PPP6C: variants seen among roughly 807,000 people sequenced by gnomAD.
The protein encoded by PPP6C is serine/threonine-protein phosphatase 6 catalytic subunit.
Under a neutral mutation model 39.8 loss-of-function variants are expected in PPP6C, and 11 were observed. That is an observed-to-expected ratio of 0.28 (90% CI 0.17 to 0.46). The LOEUF (loss-of-function observed/expected upper bound fraction) is 0.46. PPP6C is among the 20% of genes least tolerant of loss of function. The probability of loss-of-function intolerance (pLI) is 1.00; values close to 1 mark genes in which losing one functional copy is unlikely to be tolerated. For synonymous variants in PPP6C, 129 were observed against 130.3 expected, an observed-to-expected ratio of 0.99 and a Z score of 0.07; for missense variants, 211 against 373.9, an observed-to-expected ratio of 0.56 and a Z score of 3.59.
chr9:125,150,715 T>C, intron 6 of PPP6C: 1 of 835,826 alleles, frequency 1.2e-6, no homozygotes, highest in Non-Finnish European at 1.9e-6. Flanking sequence ...GCCGATCGCC[T>C]GGGCCTGGAG....
intron 2 of PPP6C, among the ~76,000 whole-genome samples, chr9:125,168,482 G>C (rs1829072685): frequency 6.6e-6 from 1 of 152,142 alleles, no homozygotes; most frequent in South Asian, 2.1e-4. Flanking sequence ...TTTTGAGACG[G>C]AGTTTCGCTC....
intron 2 of PPP6C, among the ~76,000 whole-genome samples, chr9:125,166,291 T>C (rs1212088241): frequency 6.6e-6 from 1 of 152,192 alleles, no homozygotes; most frequent in African/African-American, 2.4e-5. Context: ...AGTGGTGGAC[T>C]CAGATTTTCC....
intron 2 of PPP6C, among the ~76,000 whole-genome samples, chr9:125,170,384 G>A (rs903255382): frequency 1.3e-5 from 2 of 151,734 alleles, no homozygotes; most frequent in African/African-American, 4.8e-5. Context: ...TTACAGGCAC[G>A]CACCACCATG....
At chr9:125,155,285 A>C (rs1836040611) in intron 4 of PPP6C, among the ~76,000 whole-genome samples, 1 of 152,040 alleles carries the variant, frequency 6.6e-6, no homozygotes, top group Non-Finnish European at 1.5e-5. Flanking sequence ...CCATAATTTT[A>C]GAAAAAAAAA....
chr9:125,172,055 A>G, intron 1 of PPP6C: 3 of 441,782 alleles, frequency 6.8e-6, no homozygotes, highest in South Asian at 3.2e-5. Context: ...ACATTTTGGT[A>G]CATCCACACC....
At chr9:125,188,947 A>C in intron 1 of PPP6C, 1 of 1,548,806 alleles carries the variant, frequency 6.5e-7, no homozygotes, top group Non-Finnish European at 8.7e-7. Context: ...AAAATGAAAT[A>C]CTGAGTTAAG....
intron 1 of PPP6C, among the ~76,000 whole-genome samples, chr9:125,178,910 T>C (rs1198734229): frequency 1.3e-5 from 2 of 152,140 alleles, no homozygotes; most frequent in Admixed American, 1.3e-4. Context: ...CATTTTCTTA[T>C]TGAGTTTTAA....
chr9:125,183,492 G>A (rs944739901), intron 1 of PPP6C, among the ~76,000 whole-genome samples: 8 of 151,924 alleles, frequency 5.3e-5, no homozygotes, highest in Admixed American at 2.0e-4. Context: ...ACAGTATCAC[G>A]AATCACAGTA....
At chr9:125,180,878 G>A (rs944431039) in intron 1 of PPP6C, among the ~76,000 whole-genome samples, 1 of 152,168 alleles carries the variant, frequency 6.6e-6, no homozygotes, top group Non-Finnish European at 1.5e-5. Flanking sequence ...GAACATCGCT[G>A]TGAAACTCTG....
At chr9:125,173,439 C>T (rs1019467556) in intron 1 of PPP6C, among the ~76,000 whole-genome samples, 7 of 143,352 alleles carry the variant, frequency 4.9e-5, no homozygotes, top group South Asian at 2.2e-4. Context: ...AGTAGCCAGG[C>T]GTGGGGTGCA....
intron 1 of PPP6C, among the ~76,000 whole-genome samples, chr9:125,186,661 G>A (rs1034449827): frequency 4.6e-5 from 7 of 151,670 alleles, no homozygotes; most frequent in Non-Finnish European, 1.0e-4. Context: ...AAGGTGGGAG[G>A]ACTGCCTGAG....
At chr9:125,151,320 TCTGCCATGCAG>T in intron 6 of PPP6C, 2 of 1,460,034 alleles carry the variant, frequency 1.4e-6, no homozygotes, top group South Asian at 1.1e-5. Context: ...TGTGGCACAA[TCTGCCATGCAG>T]CTGACAAACT....
chr9:125,170,199 T>G (rs1251166585), intron 2 of PPP6C, among the ~76,000 whole-genome samples: 2 of 152,050 alleles, frequency 1.3e-5, no homozygotes, highest in Non-Finnish European at 2.9e-5. Context: ...GACAACAGAA[T>G]CTAAATATGA....
chr9:125,152,428 G>T (rs1430421421), intron 6 of PPP6C, among the ~76,000 whole-genome samples: 3 of 152,066 alleles, frequency 2.0e-5, no homozygotes, highest in African/African-American at 7.2e-5. Context: ...TAGGTTTTAG[G>T]TGGTATCATA....
intron 4 of PPP6C, among the ~76,000 whole-genome samples, chr9:125,157,246 G>A (rs558555121): frequency 6.6e-6 from 1 of 151,614 alleles, no homozygotes; most frequent in East Asian, 2.0e-4. Flanking sequence ...CTCCCAAAGT[G>A]CTGGGATTAC....
chr9:125,188,823 A>ATAATAAT, intron 1 of PPP6C: 1 of 344,676 alleles, frequency 2.9e-6, no homozygotes, highest in Non-Finnish European at 4.7e-6. Flanking sequence ...ATAATAATTA[A>ATAATAAT]AAAGTTTTAA....
intron 1 of PPP6C, among the ~76,000 whole-genome samples, chr9:125,180,925 A>G (rs907061386): frequency 2.6e-5 from 4 of 152,174 alleles, no homozygotes; most frequent in African/African-American, 9.7e-5. Context: ...GAACACGTGT[A>G]AACTACCTAG....
At chr9:125,179,052 T>C (rs1219561885) in intron 1 of PPP6C, among the ~76,000 whole-genome samples, 1 of 151,930 alleles carries the variant, frequency 6.6e-6, no homozygotes, top group African/African-American at 2.4e-5. Flanking sequence ...CCATCTCTAC[T>C]AAAAAATACA....
chr9:125,149,826 T>G lies in PPP6C; in HGVS notation c.765A>C (p.Val255=). 6.2e-7 allele frequency: 1 copy of G among 1,614,228 alleles called. No homozygotes were observed. Among genetic ancestry groups the G allele is most frequent in the Non-Finnish European group, 8.5e-7 (1 of 1,180,038 alleles). ...KFMFDEKLVT[V]WSAPNYCYRC... is the part of the protein sequence containing the mutation. ...GATAGCAGTAATTAGGAGCAGACCA[T>G]ACTGTCACCAGCTTCTCATCAAACA... is the stretch of plus-strand genomic sequence containing the variant. The change falls in exon 7 of 7, where the codon GTA becomes GTC. Residue 255 remains valine (V), a synonymous_variant. Coordinates refer to ENST00000373547, the MANE Select transcript of PPP6C (RefSeq NM_002721.5).
Sources: gnomAD v4.1 joint callset for allele counts (sites outside exome capture counted in the v4.1 genomes callset) on GRCh38, gnomAD v4.1.1 for gene constraint, MANE v1.5 for transcripts, NCBI Gene and HGNC (gene_info 2026-07-23, HGNC 2026-07-21) for gene names.